Variants in PUM2 observed in about 807,000 individuals in gnomAD.
PUM2 encodes pumilio homolog 2.
Under a neutral mutation model 124.5 loss-of-function variants are expected in PUM2, and 57 were observed. That is an observed-to-expected ratio of 0.46 (90% CI 0.37 to 0.57). The LOEUF is 0.57. PUM2 is among the 20% of genes least tolerant of loss of function. The pLI is 0.00. For synonymous variants in PUM2, 460 were observed against 446.1 expected (o/e 1.03, Z -0.39); for missense variants, 1,065 against 1,290.6 (o/e 0.83, Z 2.68).
chr2:20,252,678 TAGG>T (rs561944714), intron 20 of PUM2, among the ~76,000 whole-genome samples: 157 of 152,324 alleles, frequency 1.0e-3, no homozygotes, highest in East Asian at 3.5e-3. Flanking sequence ...TATTAGATTC[TAGG>T]AGGAGGATAC....
intron 2 of PUM2, 73 bp downstream of exon 2, chr2:20,327,237 T>TAA (rs879174062): frequency 7.6e-5 from 69 of 905,460 alleles, no homozygotes; most frequent in Non-Finnish European, 9.3e-5. Context: ...GGGAGATGGT[T>TAA]AAAAAAAAAA....
chr2:20,295,505 C>A (rs768461962), intron 8 of PUM2, among the ~76,000 whole-genome samples: 1 of 151,526 alleles, frequency 6.6e-6, no homozygotes, highest in Non-Finnish European at 1.5e-5. Flanking sequence ...GAAATGAGGA[C>A]TATTAAAACA....
chr2:20,330,870 C>T (rs922883957), intron 1 of PUM2, among the ~76,000 whole-genome samples: 3 of 152,194 alleles, frequency 2.0e-5, no homozygotes, highest in Admixed American at 1.3e-4. Context: ...AGAGCTGATG[C>T]TCTCTCCAGG....
chr2:20,327,396 C>T lies in PUM2; in HGVS notation c.-18-18G>A. 6.8e-7 allele frequency: 1 copy of T among 1,466,574 alleles called. No individual in the cohort carries two copies. The allele number at this position is 1,466,574 out of a possible 1,614,324, so 90.8% of individuals were successfully genotyped here. Reference sequence around the variant, plus strand: ...GATCAAACCTGTTGAATAACAAAAACAAAAATTAGTACAAAGAAATGTTTA... The same window carrying T: ...GATCAAACCTGTTGAATAACAAAAATAAAAATTAGTACAAAGAAATGTTTA... On this transcript the variant is annotated intron_variant, in intron 1 of 20. Coordinates refer to ENST00000361078, the MANE Select transcript of PUM2 (RefSeq NM_015317.5).
At chr2:20,271,463 G>A (rs1668992104) in intron 13 of PUM2, among the ~76,000 whole-genome samples, 1 of 152,024 alleles carries the variant, frequency 6.6e-6, no homozygotes, top group Non-Finnish European at 1.5e-5. Flanking sequence ...ACAGGCACAT[G>A]TCACCGCACC....
chr2:20,285,155 A>G (rs1672438346), intron 10 of PUM2, among the ~76,000 whole-genome samples: 1 of 152,226 alleles, frequency 6.6e-6, no homozygotes, highest in Non-Finnish European at 1.5e-5. Flanking sequence ...TTGCGTATAT[A>G]AATTCCCAGA....
intron 10 of PUM2, among the ~76,000 whole-genome samples, chr2:20,288,851 G>A (rs983283506): frequency 1.3e-5 from 2 of 152,202 alleles, no homozygotes; most frequent in Non-Finnish European, 2.9e-5. Flanking sequence ...AAGTTTTAGT[G>A]TGAGGGGATC....
At chr2:20,307,744 T>A (rs541027625) in intron 7 of PUM2, among the ~76,000 whole-genome samples, 1 of 152,374 alleles carries the variant, frequency 6.6e-6, no homozygotes, top group African/African-American at 2.4e-5. Flanking sequence ...GAGAAAAACT[T>A]ATGTGATAAT....
At chr2:20,272,110 T>A (rs1669148629) in intron 13 of PUM2, among the ~76,000 whole-genome samples, 1 of 151,658 alleles carries the variant, frequency 6.6e-6, no homozygotes, top group Non-Finnish European at 1.5e-5. Context: ...TGAGCTGAAA[T>A]CGCACCATTG....
At chr2:20,269,597 A>G (rs1196357382) in intron 13 of PUM2, among the ~76,000 whole-genome samples, 1 of 152,204 alleles carries the variant, frequency 6.6e-6, no homozygotes, top group Non-Finnish European at 1.5e-5. Flanking sequence ...TTAAAAGTAT[A>G]ATCTTCCACA....
intron 20 of PUM2, 88 bp downstream of exon 20, chr2:20,253,734 T>A (rs1340626844): frequency 4.1e-6 from 5 of 1,206,952 alleles, no homozygotes; most frequent in Admixed American, 4.7e-5. Context: ...AGTTATAACA[T>A]ACGGGAGGAA....
At chr2:20,254,483 T>C (rs1338792945) in intron 19 of PUM2, among the ~76,000 whole-genome samples, 1 of 152,172 alleles carries the variant, frequency 6.6e-6, no homozygotes, top group Admixed American at 6.5e-5. Flanking sequence ...CAGAAATTGG[T>C]ATCTTGGAAC....
chr2:20,321,042 A>T (rs955061005), intron 2 of PUM2, among the ~76,000 whole-genome samples: 6 of 152,260 alleles, frequency 3.9e-5, no homozygotes, highest in African/African-American at 1.4e-4. Context: ...TGGCTAAAAT[A>T]GACTAATCTT....
intron 20 of PUM2, among the ~76,000 whole-genome samples, chr2:20,252,553 T>C (rs1279855081): frequency 1.3e-5 from 2 of 152,256 alleles, no homozygotes; most frequent in Non-Finnish European, 2.9e-5. Flanking sequence ...ATGTAATTCA[T>C]GTTTTGTAAA....
At chr2:20,256,353 A>T (rs1431510075) in intron 16 of PUM2, among the ~76,000 whole-genome samples, 183 bp from the exon 17 acceptor site, 1 of 152,130 alleles carries the variant, frequency 6.6e-6, no homozygotes, top group African/African-American at 2.4e-5. Context: ...AAGGGTTTAA[A>T]TTTTTTTCTC....
chr2:20,262,484 T>C (rs1369072557), intron 14 of PUM2, among the ~76,000 whole-genome samples: 1 of 152,206 alleles, frequency 6.6e-6, no homozygotes, highest in Admixed American at 6.5e-5. Flanking sequence ...CTATGCCATC[T>C]AGGTTTGCAT....
intron 13 of PUM2, among the ~76,000 whole-genome samples, chr2:20,278,056 C>CAT (rs1348675032): frequency 6.6e-6 from 1 of 151,974 alleles, no homozygotes; most frequent in Non-Finnish European, 1.5e-5. Context: ...TTTTCTTTAA[C>CAT]ATATCCAAAA....
intron 13 of PUM2, 121 bp downstream of exon 13, chr2:20,278,462 A>C: frequency 2.2e-6 from 2 of 889,702 alleles, no homozygotes; most frequent in Non-Finnish European, 1.6e-6. Flanking sequence ...TAATATCTAA[A>C]AGCAAAAGCA....
At chr2:20,274,193 T>C (rs944648624) in intron 13 of PUM2, among the ~76,000 whole-genome samples, 1 of 152,108 alleles carries the variant, frequency 6.6e-6, no homozygotes, top group Non-Finnish European at 1.5e-5. Context: ...TGAAATGAAA[T>C]ATGAATATGA....
Sources: allele counts gnomAD v4.1 joint callset (sites outside exome capture counted in the v4.1 genomes callset), GRCh38; gene constraint gnomAD v4.1.1; transcripts MANE v1.5; gene names NCBI Gene and HGNC (gene_info 2026-07-23, HGNC 2026-07-21).